Variants in BAHD1 observed in about 807,000 individuals in gnomAD.
BAHD1 encodes bromo adjacent homology domain-containing 1 protein.
A neutral mutation model predicts 63.1 loss-of-function variants in BAHD1; 20 were observed. The observed-to-expected ratio is 0.32, with a 90% CI of 0.22 to 0.46. The LOEUF is 0.46. BAHD1 is among the 20% of genes least tolerant of loss of function. BAHD1 has a pLI of 1.00. For missense variants in BAHD1, 939 were observed against 1,071.8 expected (o/e 0.88, Z 1.73); for synonymous variants, 408 against 426.8 (o/e 0.96, Z 0.54).
chr15:40,464,408 C>T (rs1894143163), intron 4 of BAHD1, 63 bp from the exon 5 acceptor site: 1 of 1,430,516 alleles, frequency 7.0e-7, no homozygotes, highest in African/African-American at 1.4e-5. Context: ...CAGCCAGCCT[C>T]TCTGCCTGTC....
chr15:40,441,558 C>T (rs868852495), intron 1 of BAHD1, among the ~76,000 whole-genome samples: 1 of 149,566 alleles, frequency 6.7e-6, no homozygotes, highest in African/African-American at 2.4e-5. Flanking sequence ...GGGGGCCGCC[C>T]GCCTTGCAGG....
chr15:40,438,867 C>A (rs77556692), upstream of BAHD1, among the ~76,000 whole-genome samples: 1,995 of 152,346 alleles, frequency 0.013, 18 homozygotes, highest in Non-Finnish European at 0.019. Flanking sequence ...GTCAGCGCCG[C>A]CTGGGCTGCA....
At chr15:40,440,733 C>A (rs1274978759), upstream of BAHD1, among the ~76,000 whole-genome samples, 2 of 152,160 alleles carry the variant, frequency 1.3e-5, no homozygotes, top group Non-Finnish European at 2.9e-5. Flanking sequence ...CCACTCCCCG[C>A]ACCGCCTCCC....
In BAHD1 at chr15:40,462,226, C is replaced by A. The variant is rs373800970; in HGVS notation, c.1747C>A (p.Arg583Ser). ...PRVQRPRPRR[R>S]RRRRTNGWVP... Reference sequence around the variant, plus strand: ...TGTCCAGCGCCCACGCCCTCGCCGCCGCCGTCGCCGCCGCACTAATGGCTG... The same window carrying A: ...TGTCCAGCGCCCACGCCCTCGCCGCAGCCGTCGCCGCCGCACTAATGGCTG... The change falls in exon 3 of 7, where the codon CGC (arginine) becomes AGC (serine). Residue 583 changes from arginine to serine, a missense_variant. Around this residue, in one of 5 missense-constraint regions of BAHD1, gnomAD observed 797 missense variants for 813.3 expected, o/e 0.98. Transcript: ENST00000416165. 6.2e-7 allele frequency: 1 copy of A among 1,611,162 alleles called. No homozygotes were observed. The highest frequency in any genetic ancestry group is 1.1e-5 in the South Asian group (1 of 90,936).
At chr15:40,464,894 G>A in intron 5 of BAHD1, 1 of 383,782 alleles carries the variant, frequency 2.6e-6, no homozygotes, top group Non-Finnish European at 4.8e-6. Context: ...TTCTGTAGTA[G>A]GGGAGGGGAG....
In BAHD1 at chr15:40,458,773, C is replaced by A; in HGVS notation, c.309C>A (p.Ala103=). The A allele has an allele frequency of 2.5e-6, 4 of 1,613,194 alleles. No homozygotes were observed. Among genetic ancestry groups the A allele is most frequent in the Non-Finnish European group, 3.4e-6 (4 of 1,180,000 alleles). ...ACCTGCCCAAGCCCCCCAGCCCGGC[C>A]CCATCCAGTGAAGACCCTGGCCTTG... ...PPDLPKPPSP[A]PSSEDPGLAQ... The change falls in exon 2 of 7, where the codon GCC becomes GCA. Residue 103 remains alanine (A), a synonymous_variant. Coordinates refer to ENST00000416165, the MANE Select transcript of BAHD1 (RefSeq NM_014952.5). The surrounding 1 kb of genome is among the most constrained non-coding windows in gnomAD (Gnocchi z 4.7).
At chr15:40,456,809 G>C (rs150993986) in intron 1 of BAHD1, among the ~76,000 whole-genome samples, 1 of 152,244 alleles carries the variant, frequency 6.6e-6, no homozygotes, top group Non-Finnish European at 1.5e-5. Flanking sequence ...ACCTGGGCCC[G>C]CTGGGTGGGG....
At chr15:40,459,994 C>G in intron 2 of BAHD1, 98 bp downstream of exon 2, 1 of 1,393,374 alleles carries the variant, frequency 7.2e-7, no homozygotes, top group South Asian at 1.5e-5. Flanking sequence ...CCCTTGGGGT[C>G]TGGCTGCTAA....
At chr15:40,448,794 C>CA (rs1166898929) in intron 1 of BAHD1, among the ~76,000 whole-genome samples, 2 of 151,646 alleles carry the variant, frequency 1.3e-5, no homozygotes, top group African/African-American at 2.4e-5. Context: ...TTCTAGGTTA[C>CA]AGGTGTGAGC....
At position 40,466,191 on chromosome 15, in the gene BAHD1, G is replaced by T; in HGVS notation, c.*61G>T. On this transcript the variant is annotated 3_prime_UTR_variant, in exon 7 of 7. Transcript: ENST00000416165. Reference sequence around the variant, plus strand: ...AGTGGGGCTCGGGGTAGGGGGCACTGCTTGAAGCACAGCACTTGGTTAGGG... The same window carrying T: ...AGTGGGGCTCGGGGTAGGGGGCACTTCTTGAAGCACAGCACTTGGTTAGGG... The T allele has an allele frequency of 6.6e-7, 1 of 1,523,604 alleles. No homozygotes were observed. The highest frequency in any genetic ancestry group is 8.9e-7 in the Non-Finnish European group (1 of 1,122,680). The allele number at this position is 1,523,604 out of a possible 1,614,324, so 94.4% of individuals were successfully genotyped here.
chr15:40,437,588 A>T (rs1335438168), upstream of BAHD1, among the ~76,000 whole-genome samples: 1 of 152,132 alleles, frequency 6.6e-6, no homozygotes, highest in African/African-American at 2.4e-5. Flanking sequence ...TGGCTCAGTA[A>T]GTATTGTGGG....
At chr15:40,443,408 A>C in intron 1 of BAHD1, 1 of 750,246 alleles carries the variant, frequency 1.3e-6, no homozygotes, top group Non-Finnish European at 1.6e-6. Flanking sequence ...GTGATGATGA[A>C]TCTCAAGGCC....
chr15:40,444,135 A>T (rs1031691580), intron 1 of BAHD1, among the ~76,000 whole-genome samples: 3 of 151,884 alleles, frequency 2.0e-5, no homozygotes, highest in Admixed American at 6.6e-5. Flanking sequence ...GTGTGTGAAT[A>T]TTCTGGTATT....
intron 1 of BAHD1, among the ~76,000 whole-genome samples, chr15:40,451,166 A>AC (rs1382706659): frequency 4.6e-5 from 7 of 151,014 alleles, no homozygotes; most frequent in Admixed American, 6.6e-5. Context: ...AAAAAAAAAA[A>AC]AAAAAACTTT....
intron 3 of BAHD1, 81 bp downstream of exon 3, chr15:40,462,375 G>C: frequency 6.7e-7 from 1 of 1,502,998 alleles, no homozygotes; most frequent in Non-Finnish European, 9.0e-7. Context: ...GGTGCTAGAA[G>C]CACCTGGTTC....
chr15:40,451,845 TG>T (rs1251223278), intron 1 of BAHD1, among the ~76,000 whole-genome samples: 7 of 152,234 alleles, frequency 4.6e-5, no homozygotes, highest in Non-Finnish European at 1.5e-5. Flanking sequence ...GGGAAGAAGC[TG>T]GGGGAAGGCA....
chr15:40,465,925 T>C lies in BAHD1; in HGVS notation c.2154-16T>C, dbSNP rs1226012253. ...AAGTGGCTGGAGTAAAGACAGTGAA[T>C]GGTATCTCTCTACAGGTTCTGTGCC... On this transcript the variant is annotated splice_polypyrimidine_tract_variant and intron_variant, in intron 6 of 6. Transcript: ENST00000416165. The C allele has an allele frequency of 1.9e-6, 3 of 1,550,240 alleles. No homozygotes were observed. The highest frequency in any genetic ancestry group is 2.5e-5 in the South Asian group (2 of 81,020).
chr15:40,441,721 G>C (rs1893407754), intron 1 of BAHD1, among the ~76,000 whole-genome samples: 1 of 149,318 alleles, frequency 6.7e-6, no homozygotes, highest in Admixed American at 6.7e-5. Flanking sequence ...CGAGGCCCCC[G>C]CCGCGCCCCC....
intron 1 of BAHD1, among the ~76,000 whole-genome samples, chr15:40,451,411 C>T (rs1893699741): frequency 6.6e-6 from 1 of 152,262 alleles, no homozygotes; most frequent in Non-Finnish European, 1.5e-5. Context: ...CTTGTTCTGT[C>T]TTCCTGCTAG....
Sources: allele counts gnomAD v4.1 joint callset (sites outside exome capture counted in the v4.1 genomes callset), GRCh38; gene constraint gnomAD v4.1.1; regional missense constraint gnomAD v4.1.1; non-coding constraint Gnocchi (gnomAD v3.1); transcripts MANE v1.5; gene names NCBI Gene and HGNC (gene_info 2026-07-23, HGNC 2026-07-21).